DGKI: variants seen among roughly 807,000 people sequenced by gnomAD.
DGKI encodes the protein diacylglycerol kinase iota.
A neutral mutation model predicts 147.5 loss-of-function variants in DGKI; 55 were observed. That is an observed-to-expected ratio of 0.37 (90% CI 0.30 to 0.47). The LOEUF (loss-of-function observed/expected upper bound fraction) is 0.47, where lower values mean the gene tolerates loss of function less well. DGKI is among the 20% of genes least tolerant of loss of function. The pLI is 1.00. For synonymous variants in DGKI, 469 were observed against 477.1 expected (o/e 0.98, Z 0.22); for missense variants, 1,007 against 1,323.8 (o/e 0.76, Z 3.71).
At chr7:137,653,103 GGT>G (rs916760284) in intron 5 of DGKI, among the ~76,000 whole-genome samples, 11 of 151,582 alleles carry the variant, frequency 7.3e-5, no homozygotes, top group African/African-American at 1.7e-4. Context: ...CAGTTTTTCA[GGT>G]GTGTGTGTGT....
chr7:137,839,694 A>G (rs1194914299), intron 1 of DGKI, among the ~76,000 whole-genome samples: 1 of 152,248 alleles, frequency 6.6e-6, no homozygotes, highest in African/African-American at 2.4e-5. Context: ...AAAGTTAAGA[A>G]AAATGAAATT....
chr7:137,487,135 T>A (rs965078753), intron 22 of DGKI, among the ~76,000 whole-genome samples: 1 of 152,028 alleles, frequency 6.6e-6, no homozygotes, highest in African/African-American at 2.4e-5. Flanking sequence ...GAAAAAAAAA[T>A]AGATTATTCT....
At chr7:137,579,795 A>T (rs1352863250) in intron 15 of DGKI, among the ~76,000 whole-genome samples, 1 of 152,170 alleles carries the variant, frequency 6.6e-6, no homozygotes, top group African/African-American at 2.4e-5. Context: ...AATAAACTAT[A>T]CAAAGATTAA....
At chr7:137,816,316 T>A (rs1055301096) in intron 1 of DGKI, among the ~76,000 whole-genome samples, 1 of 152,190 alleles carries the variant, frequency 6.6e-6, no homozygotes, top group African/African-American at 2.4e-5. Flanking sequence ...CTTGGGAAAA[T>A]AACTCTCTTT....
intron 19 of DGKI, among the ~76,000 whole-genome samples, chr7:137,567,741 G>T (rs1429718014): frequency 6.6e-6 from 1 of 152,120 alleles, no homozygotes; most frequent in Non-Finnish European, 1.5e-5. Flanking sequence ...AATATTTAGT[G>T]ATATTCAGGT....
intron 21 of DGKI, chr7:137,513,871 T>C (rs571814711): frequency 2.9e-6 from 2 of 696,844 alleles, no homozygotes; most frequent in East Asian, 5.6e-5. Flanking sequence ...GAGAGCCAAG[T>C]GGAGGAAGAA....
intron 15 of DGKI, among the ~76,000 whole-genome samples, chr7:137,579,113 T>G (rs1426096607): frequency 2.6e-5 from 4 of 152,202 alleles, no homozygotes; most frequent in Non-Finnish European, 5.9e-5. Flanking sequence ...TTACATTTTC[T>G]TGACTAATAC....
At chr7:137,716,653 T>C (rs918124883) in intron 1 of DGKI, among the ~76,000 whole-genome samples, 6 of 152,210 alleles carry the variant, frequency 3.9e-5, no homozygotes, top group Non-Finnish European at 5.9e-5. Flanking sequence ...AGAGCAAACA[T>C]GTCATCACTG....
At position 137,597,800 on chromosome 7, in the gene DGKI, A is replaced by T. The variant is rs780921408; in HGVS notation, c.1311+47T>A. On this transcript the variant is annotated intron_variant, in intron 12 of 32. Coordinates refer to ENST00000614521, the MANE Select transcript of DGKI (RefSeq NM_001321708.2). ...AAAGAAGTGCCACAAGAAAACAATA[A>T]GAAAGATAGAATTGGCAGAGAACTG... 1.9e-6 allele frequency: 3 copies of T among 1,569,880 alleles called. No homozygotes were observed. The East Asian group carries it at 6.7e-5, about 35-fold the overall frequency.
intron 19 of DGKI, among the ~76,000 whole-genome samples, chr7:137,553,189 T>C (rs559260317): frequency 6.6e-6 from 1 of 152,322 alleles, no homozygotes; most frequent in South Asian, 2.1e-4. Flanking sequence ...TCTATTCTCA[T>C]TAAATAACCA....
intron 27 of DGKI, 27 bp from the exon 28 acceptor site, chr7:137,444,129 A>ATATTT: frequency 8.0e-7 from 1 of 1,244,890 alleles, no homozygotes; most frequent in Non-Finnish European, 1.1e-6. Context: ...AGCATGATCA[A>ATATTT]TATTTTATAT....
chr7:137,487,180 G>C (rs941738045), intron 22 of DGKI, among the ~76,000 whole-genome samples: 1 of 152,058 alleles, frequency 6.6e-6, no homozygotes, highest in Non-Finnish European at 1.5e-5. Flanking sequence ...AGATGTAGAG[G>C]ATTTTTCTTT....
At chr7:137,750,086 A>T (rs1795452181) in intron 1 of DGKI, among the ~76,000 whole-genome samples, 2 of 152,342 alleles carry the variant, frequency 1.3e-5, no homozygotes, top group Admixed American at 6.5e-5. Context: ...GGACAAAAGA[A>T]CATATCAGCA....
At chr7:137,606,731 G>A (rs1210460612) in intron 10 of DGKI, among the ~76,000 whole-genome samples, 1 of 152,176 alleles carries the variant, frequency 6.6e-6, no homozygotes, top group African/African-American at 2.4e-5. Flanking sequence ...TCAACCTGAA[G>A]TATCCTGTTT....
intron 1 of DGKI, among the ~76,000 whole-genome samples, chr7:137,748,102 A>T (rs1191389283): frequency 6.6e-6 from 1 of 152,166 alleles, no homozygotes; most frequent in Non-Finnish European, 1.5e-5. Flanking sequence ...AATCCTATCT[A>T]TATAACATCA....
intron 1 of DGKI, among the ~76,000 whole-genome samples, chr7:137,809,570 T>C (rs1797495274): frequency 1.3e-5 from 2 of 152,182 alleles, no homozygotes; most frequent in Non-Finnish European, 2.9e-5. Context: ...TGCGTAAGTT[T>C]AGAGAAAGGG....
intron 19 of DGKI, among the ~76,000 whole-genome samples, chr7:137,569,516 CAGG>C (rs1387044795): frequency 6.6e-6 from 1 of 151,812 alleles, no homozygotes; most frequent in Admixed American, 6.6e-5. Context: ...ACCACGAGGT[CAGG>C]AGATCGAGAC....
rs1823344196 is a variant in DGKI, at chr7:137,684,412, C to G, written c.510+5482G>C. Among the ~76,000 whole-genome samples the G allele has an allele frequency of 2.0e-5, 3 of 152,136 alleles. No homozygotes were observed. In the South Asian group the frequency reaches 6.2e-4, roughly 31 times the overall value. ...GAATTAAAAATAATCTTACCTATTT[C>G]TTCTCACTTTTTAAAGTGTGGCTAC... On this transcript the variant is annotated intron_variant, in intron 2 of 32. Transcript: ENST00000614521.
chr7:137,427,857 G>T (rs986557755), intron 28 of DGKI, among the ~76,000 whole-genome samples: 1 of 152,036 alleles, frequency 6.6e-6, no homozygotes, highest in Admixed American at 6.6e-5. Flanking sequence ...CCAGGAAGAA[G>T]TTGAATCTCT....
Sources: allele counts gnomAD v4.1 joint callset (sites outside exome capture counted in the v4.1 genomes callset), GRCh38; gene constraint gnomAD v4.1.1; transcripts MANE v1.5; gene names NCBI Gene and HGNC (gene_info 2026-07-23, HGNC 2026-07-21).